The following TRPC4AP variants were observed in gnomAD, a reference collection of about 807,000 sequenced individuals.
TRPC4AP encodes the protein transient receptor potential cation channel subfamily C member 4 associated protein.
TRPC4AP carries 45 observed loss-of-function variants against 99.0 expected under a neutral mutation model. The observed-to-expected ratio is 0.45, with a 90% CI of 0.36 to 0.58. The LOEUF (loss-of-function observed/expected upper bound fraction) is 0.58. TRPC4AP is among the 20% of genes least tolerant of loss of function. The pLI is 0.00. For synonymous variants in TRPC4AP, 408 were observed against 385.8 expected, an observed-to-expected ratio of 1.06 and a Z score of -0.67; for missense variants, 879 against 985.3, an observed-to-expected ratio of 0.89 and a Z score of 1.44.
chr20:35,054,959 G>A lies in TRPC4AP; in HGVS notation c.528+17C>T, dbSNP rs1257408677. ...GGTAGGGGAGATAAACAGAGCCCCA[G>A]TGGCAGGGGTACTTACACAGACACA... On this transcript the variant is annotated intron_variant, in intron 5 of 18. Transcript: ENST00000252015. 1 of 1,609,742 alleles carries A rather than the reference G, an allele frequency of 6.2e-7. No individual in the cohort carries two copies. Among genetic ancestry groups the A allele is most frequent in the African/African-American group, 1.3e-5 (1 of 74,802 alleles).
intron 17 of TRPC4AP, among the ~76,000 whole-genome samples, chr20:35,003,998 G>A (rs144606049): frequency 6.6e-6 from 1 of 152,300 alleles, no homozygotes; most frequent in Non-Finnish European, 1.5e-5. Flanking sequence ...TGGGGAAAGA[G>A]TTCTGCCCCA....
intron 4 of TRPC4AP, among the ~76,000 whole-genome samples, chr20:35,056,918 G>A (rs1343845927): frequency 1.4e-5 from 2 of 146,022 alleles, no homozygotes; most frequent in African/African-American, 2.5e-5. Context: ...CTCAGGAGGC[G>A]GAGGTTGCAG....
intron 7 of TRPC4AP, among the ~76,000 whole-genome samples, chr20:35,036,270 C>T (rs1268242018): frequency 6.6e-6 from 1 of 152,054 alleles, no homozygotes; most frequent in Non-Finnish European, 1.5e-5. Context: ...CCTGGAAGGA[C>T]AGAAAAGAAG....
chr20:35,030,824 A>T (rs1227045709), intron 8 of TRPC4AP, among the ~76,000 whole-genome samples: 1 of 152,242 alleles, frequency 6.6e-6, no homozygotes, highest in Non-Finnish European at 1.5e-5. Flanking sequence ...ATGCATTTAC[A>T]CAATCTCTTA....
At position 35,003,295 on chromosome 20, in the gene TRPC4AP, G is replaced by A. The variant is rs1016019121; in HGVS notation, c.2257-12C>T. 3 of 1,612,454 alleles carry A rather than the reference G, an allele frequency of 1.9e-6. No individual in the cohort carries two copies. Among genetic ancestry groups the A allele is most frequent in the Non-Finnish European group, 2.5e-6 (3 of 1,179,314 alleles). ...CTGATGCAGGAGCTCTGGGCAAAGA[G>A]GGAGGGGCTGGGGGGCGCCTGGAGG... On this transcript the variant is annotated splice_polypyrimidine_tract_variant and intron_variant, in intron 18 of 18. Coordinates refer to ENST00000252015, the MANE Select transcript of TRPC4AP (RefSeq NM_015638.3).
At chr20:35,056,444 T>C (rs1340747729) in intron 4 of TRPC4AP, among the ~76,000 whole-genome samples, 2 of 151,942 alleles carry the variant, frequency 1.3e-5, no homozygotes, top group Admixed American at 6.6e-5. Context: ...TGAGGGTACA[T>C]AGAGAACATG....
intron 3 of TRPC4AP, among the ~76,000 whole-genome samples, chr20:35,061,561 G>A (rs1367539700): frequency 6.6e-6 from 1 of 152,160 alleles, no homozygotes; most frequent in Non-Finnish European, 1.5e-5. Context: ...ATAAACCCGT[G>A]TCTATGATCA....
intron 2 of TRPC4AP, among the ~76,000 whole-genome samples, chr20:35,072,730 T>G (rs1388942858): frequency 1.3e-5 from 2 of 152,212 alleles, no homozygotes; most frequent in African/African-American, 2.4e-5. Context: ...CCTCCAGCTT[T>G]GGTTCTTTTG....
At chr20:35,037,254 G>A (rs1307863658) in intron 7 of TRPC4AP, among the ~76,000 whole-genome samples, 1 of 149,292 alleles carries the variant, frequency 6.7e-6, no homozygotes, top group African/African-American at 2.5e-5. Context: ...GGCTAAGGCA[G>A]GAGAATGGCG....
At position 35,013,084 on chromosome 20, in the gene TRPC4AP, C is replaced by A. The variant is rs375780392; in HGVS notation, c.1351-18G>T. 6.2e-7 allele frequency: 1 copy of A among 1,613,902 alleles called. No homozygotes were observed. The highest frequency in any genetic ancestry group is 1.1e-5 in the South Asian group (1 of 91,066). On this transcript the variant is annotated intron_variant, in intron 10 of 18. Coordinates refer to ENST00000252015, the MANE Select transcript of TRPC4AP (RefSeq NM_015638.3). ...GTGATGTCCTGAAACACATGCACAG[C>A]CTCAATGTTAGGACCACAGCCACAA...
chr20:35,048,312 A>G (rs2083608520), intron 6 of TRPC4AP, among the ~76,000 whole-genome samples: 1 of 151,366 alleles, frequency 6.6e-6, no homozygotes, highest in Non-Finnish European at 1.5e-5. Flanking sequence ...CCCGGGTTCA[A>G]GCAATTCTCA....
intron 2 of TRPC4AP, among the ~76,000 whole-genome samples, chr20:35,074,163 T>C (rs1356683549): frequency 6.6e-6 from 1 of 152,134 alleles, no homozygotes; most frequent in Non-Finnish European, 1.5e-5. Flanking sequence ...TTCTTCTCTC[T>C]TTTCTTATTA....
At chr20:35,042,521 T>C (rs1286450550) in intron 7 of TRPC4AP, among the ~76,000 whole-genome samples, 2 of 152,186 alleles carry the variant, frequency 1.3e-5, no homozygotes, top group Non-Finnish European at 1.5e-5. Context: ...TACCTCTGCA[T>C]GGTCATGGTT....
At chr20:35,012,935 G>A (rs2082671160) in intron 11 of TRPC4AP, 73 bp downstream of exon 11, 8 of 1,511,276 alleles carry the variant, frequency 5.3e-6, no homozygotes, top group South Asian at 2.3e-5. Context: ...TGAGGTCAGG[G>A]ACCAGACAAG....
rs1354153480 is a variant in TRPC4AP, at chr20:35,044,519, G to T, written c.851C>A (p.Ala284Asp). 1 of 1,613,778 alleles carries T rather than the reference G, an allele frequency of 6.2e-7. No individual in the cohort carries two copies. The highest frequency in any genetic ancestry group is 8.5e-7 in the Non-Finnish European group (1 of 1,179,920). Reference sequence around the variant, plus strand: ...GGAGACTTTACCTTGATTGATTTCAGCTGCAGAAGGCCCCAAACTCAAGCT... The same window carrying T: ...GGAGACTTTACCTTGATTGATTTCATCTGCAGAAGGCCCCAAACTCAAGCT... ...KKSLSLGPSA[A>D]EINQAALLSI... Residue 284 changes from alanine to aspartate, a missense_variant, in exon 7 of 19, where the codon GCT (alanine) becomes GAT (aspartate). Transcript: ENST00000252015.
At chr20:35,030,087 C>T (rs2083144421) in intron 8 of TRPC4AP, among the ~76,000 whole-genome samples, 2 of 150,590 alleles carry the variant, frequency 1.3e-5, no homozygotes, top group African/African-American at 4.8e-5. Flanking sequence ...ACTAAAAATA[C>T]AAAATTAGCT....
chr20:35,059,907 AAGACGAAGAAGACAAAGACGAAG>A lies in TRPC4AP; in HGVS notation c.415-2359_415-2337del, dbSNP rs1187189043. Among the ~76,000 whole-genome samples, 14 of 45,848 alleles carry A rather than the reference AAGACGAAGAAGACAAAGACGAAG, an allele frequency of 3.1e-4. No homozygotes were observed. In the East Asian group the frequency reaches 3.9e-3, roughly 13 times the overall value. 30.1% of individuals were successfully genotyped at this position (45,848 alleles called of 152,430 possible). On this transcript the variant is annotated intron_variant, in intron 3 of 18. Transcript: ENST00000252015. ...GACAAAGATGAAGATGAAGAAGACG[AAGACGAAGAAGACAAAGACGAAG>A]AAGACGAAGAAGAAGAAAAAACAGA...
At chr20:35,083,199 C>A (rs149555462) in intron 1 of TRPC4AP, among the ~76,000 whole-genome samples, 146 of 152,216 alleles carry the variant, frequency 9.6e-4, no homozygotes, top group Middle Eastern at 3.4e-3. Context: ...TATATTACAG[C>A]TACAATTTTT....
intron 12 of TRPC4AP, 73 bp from the exon 13 acceptor site, chr20:35,008,820 GGCTTAGGCGGT>G: frequency 7.2e-7 from 1 of 1,379,618 alleles, no homozygotes; most frequent in African/African-American, 1.4e-5. Flanking sequence ...TCATTCTGCT[GGCTTAGGCGGT>G]GAAAAACCAT....
Sources: allele counts gnomAD v4.1 joint callset (sites outside exome capture counted in the v4.1 genomes callset), GRCh38; gene constraint gnomAD v4.1.1; transcripts MANE v1.5; gene names NCBI Gene and HGNC (gene_info 2026-07-23, HGNC 2026-07-21).